The following LIFR variants were observed in gnomAD, a reference collection of about 807,000 sequenced individuals.
LIFR encodes LIF receptor subunit alpha.
LIFR carries 84 observed loss-of-function variants against 122.2 expected under a neutral mutation model. The observed-to-expected ratio is 0.69, with a 90% CI of 0.58 to 0.82. LIFR has a LOEUF of 0.82. Among genes scored for constraint, LIFR ranks in the 40% least tolerant of loss-of-function variants. LIFR has a pLI of 0.00. For synonymous variants in LIFR, 422 were observed against 434.7 expected (o/e 0.97, Z 0.36); for missense variants, 1,294 against 1,311.6 (o/e 0.99, Z 0.21).
Position 38,527,202 on chromosome 5 carries a change from T to C in LIFR, c.350A>G (p.Asp117Gly), listed in dbSNP as rs1746734300. ...DYEITINSLH[D>G]FGSSTSKFTL... ...GAATTTACTTGTAGAACTTCCAAAA[T>C]CATGTAGAGAATTTATTGTTATTTC... is the stretch of plus-strand genomic sequence containing the variant. Residue 117 changes from aspartate to glycine, a missense_variant, in exon 4 of 20, where the codon GAT becomes GGT. Coordinates refer to ENST00000453190, the MANE Select transcript of LIFR (RefSeq NM_001127671.2). 6.3e-7 allele frequency: 1 copy of C among 1,590,300 alleles called. No individual in the cohort carries two copies. The highest frequency in any genetic ancestry group is 1.3e-5 in the African/African-American group (1 of 74,370).
chr5:38,482,473 A>C (rs1462134353), intron 19 of LIFR, 116 bp downstream of exon 19: 1 of 684,652 alleles, frequency 1.5e-6, no homozygotes, highest in Non-Finnish European at 2.5e-6. Flanking sequence ...TTTAAAGTAT[A>C]TAATTTTCCC....
chr5:38,515,076 T>C (rs138311242), intron 5 of LIFR, among the ~76,000 whole-genome samples: 1 of 152,268 alleles, frequency 6.6e-6, no homozygotes, highest in East Asian at 1.9e-4. Context: ...CCCTAGATGA[T>C]GGAGATCCCT....
intron 16 of LIFR, among the ~76,000 whole-genome samples, chr5:38,488,567 G>A (rs943805911): frequency 7.9e-5 from 12 of 152,174 alleles, no homozygotes; most frequent in East Asian, 3.8e-4. Context: ...TACACTTGCC[G>A]ATTTCCAAGG....
chr5:38,560,198 A>G (rs528483403), upstream of LIFR, among the ~76,000 whole-genome samples: 1 of 152,238 alleles, frequency 6.6e-6, no homozygotes, highest in Non-Finnish European at 1.5e-5. Context: ...CTACAAATTA[A>G]GCATAGTTTA....
chr5:38,501,780 T>A (rs1225406997), intron 11 of LIFR, among the ~76,000 whole-genome samples: 1 of 151,910 alleles, frequency 6.6e-6, no homozygotes, highest in Admixed American at 6.5e-5. Context: ...AGTTTTTTTT[T>A]TTTTACACCT....
At position 38,482,631 on chromosome 5, in the gene LIFR, T is replaced by C. The variant is rs2112359091; in HGVS notation, c.2628A>G (p.Pro876=). ...KETFYPDIPN[P]ENCKALQFQK... ...GAAACTGTAATGCTTTACAGTTTTC[T>C]GGATTTGGAATATCAGGGTAGAAGG... The change falls in exon 19 of 20, where the codon CCA becomes CCG. Residue 876 remains proline (P), a synonymous_variant. Transcript: ENST00000453190. 2.7e-6 allele frequency: 4 copies of C among 1,499,450 alleles called. No individual in the cohort carries two copies. Among genetic ancestry groups the C allele is most frequent in the Non-Finnish European group, 3.6e-6 (4 of 1,102,848 alleles). 92.9% of individuals were successfully genotyped at this position (1,499,450 alleles called of 1,614,324 possible).
At chr5:38,509,986 C>T (rs1437091625) in intron 7 of LIFR, among the ~76,000 whole-genome samples, 1 of 152,160 alleles carries the variant, frequency 6.6e-6, no homozygotes, top group African/African-American at 2.4e-5. Flanking sequence ...GTCCTCCTGC[C>T]AGCCTGTTCT....
chr5:38,594,328 A>G (rs955486871), intron 1 of LIFR, among the ~76,000 whole-genome samples: 1 of 152,222 alleles, frequency 6.6e-6, no homozygotes, highest in Admixed American at 6.5e-5. Flanking sequence ...TTTTAGCAAT[A>G]GCAATGAAGC....
At chr5:38,563,756 A>G (rs952209495) in intron 1 of LIFR, among the ~76,000 whole-genome samples, 1 of 152,186 alleles carries the variant, frequency 6.6e-6, no homozygotes, top group Non-Finnish European at 1.5e-5. Flanking sequence ...AAAGAGGTTC[A>G]CTAACTTGCC....
intron 1 of LIFR, among the ~76,000 whole-genome samples, chr5:38,535,655 C>T (rs968766394): frequency 1.3e-5 from 2 of 152,128 alleles, no homozygotes; most frequent in African/African-American, 4.8e-5. Context: ...TCCCTACAGA[C>T]CGTCAGATCC....
intron 1 of LIFR, among the ~76,000 whole-genome samples, chr5:38,590,183 A>G (rs974295936): frequency 1.8e-4 from 28 of 152,216 alleles, no homozygotes; most frequent in African/African-American, 6.5e-4. Context: ...TTATTTCCAC[A>G]TGAGAACAGA....
intron 16 of LIFR, among the ~76,000 whole-genome samples, chr5:38,486,712 T>C (rs74505650): frequency 1.3e-5 from 2 of 152,220 alleles, no homozygotes; most frequent in Non-Finnish European, 2.9e-5. Context: ...TATTCCAAAG[T>C]AGCAAACTTA....
chr5:38,493,604 A>G lies in LIFR; in HGVS notation c.2065+2T>C. 6.2e-7 allele frequency: 1 copy of G among 1,613,188 alleles called. No individual in the cohort carries two copies. The highest frequency in any genetic ancestry group is 8.5e-7 in the Non-Finnish European group (1 of 1,179,114). ...TAATTGAGAGACACTAATTCATCTT[A>G]CCAGATTCTATTACAGTTTCAGTGC... On this transcript the variant is annotated splice_donor_variant, in intron 14 of 19. Coordinates refer to ENST00000453190, the MANE Select transcript of LIFR (RefSeq NM_001127671.2). LOFTEE classifies it high-confidence loss of function.
intron 12 of LIFR, among the ~76,000 whole-genome samples, chr5:38,498,744 C>G (rs1395864487): frequency 6.6e-6 from 1 of 152,118 alleles, no homozygotes; most frequent in African/African-American, 2.4e-5. Context: ...TGACAGGCAA[C>G]TGAGAGTAGC....
intron 16 of LIFR, among the ~76,000 whole-genome samples, chr5:38,487,285 C>A (rs146642618): frequency 1.3e-5 from 2 of 152,186 alleles, no homozygotes; most frequent in Non-Finnish European, 2.9e-5. Context: ...CTCGCATGTA[C>A]AAAATATCTG....
chr5:38,505,314 A>G (rs1306360059), intron 9 of LIFR, among the ~76,000 whole-genome samples: 2 of 151,966 alleles, frequency 1.3e-5, no homozygotes, highest in African/African-American at 4.8e-5. Flanking sequence ...GGGCAACATG[A>G]GCAAGTTCCT....
At chr5:38,514,752 A>C (rs944985953) in intron 5 of LIFR, among the ~76,000 whole-genome samples, 6 of 152,216 alleles carry the variant, frequency 3.9e-5, no homozygotes, top group Non-Finnish European at 7.3e-5. Context: ...CATCTGTGCT[A>C]AACATGTGCA....
Position 38,490,144 on chromosome 5 carries a change from C to A in LIFR, c.2167+46G>T, listed in dbSNP as rs200383037. The A allele has an allele frequency of 1.1e-3, 876 of 769,308 alleles. 13 individuals carry two copies. The highest frequency in any genetic ancestry group is 9.8e-3 in the South Asian group (506 of 51,572). The allele number at this position is 769,308 out of a possible 1,614,324, so 47.7% of individuals were successfully genotyped here. A position where few individuals can be genotyped will look rare whatever the true frequency, so the allele number is the denominator to read the frequency against. ...TACCATTGTTGCCAATTTATAATTT[C>A]TCATGTTGCCTTGAGCTCTTATAAA... On this transcript the variant is annotated intron_variant, in intron 15 of 19. Coordinates refer to ENST00000453190, the MANE Select transcript of LIFR (RefSeq NM_001127671.2).
chr5:38,538,405 G>C (rs374569723), intron 1 of LIFR, among the ~76,000 whole-genome samples: 3 of 152,158 alleles, frequency 2.0e-5, no homozygotes, highest in African/African-American at 7.2e-5. Context: ...TGCTTACTTA[G>C]ACAAATCCAC....
Sources: gnomAD v4.1 joint callset for allele counts (sites outside exome capture counted in the v4.1 genomes callset) on GRCh38, gnomAD v4.1.1 for gene constraint, MANE v1.5 for transcripts, NCBI Gene and HGNC (gene_info 2026-07-23, HGNC 2026-07-21) for gene names.